Variants in CACNG5 observed in about 807,000 individuals in gnomAD.
CACNG5 encodes calcium voltage-gated channel auxiliary subunit gamma 5.
A neutral mutation model predicts 24.8 loss-of-function variants in CACNG5; 18 were observed. The observed-to-expected ratio is 0.73, with a 90% CI of 0.50 to 1.08. The LOEUF is 1.08. Among genes scored for constraint, CACNG5 ranks in the 50% least tolerant of loss-of-function variants. The pLI, the probability that CACNG5 is intolerant of heterozygous loss-of-function variation, is 0.00. For missense variants in CACNG5, 349 were observed against 367.9 expected (o/e 0.95, Z 0.42); for synonymous variants, 157 against 149.1 (o/e 1.05, Z -0.39).
intron 1 of CACNG5, among the ~76,000 whole-genome samples, chr17:66,839,691 G>A (rs1269728519): frequency 1.3e-5 from 2 of 151,224 alleles, no homozygotes; most frequent in Non-Finnish European, 3.0e-5. Context: ...GAGTCTGGGG[G>A]CTGGGCAGTG....
intron 1 of CACNG5, among the ~76,000 whole-genome samples, chr17:66,857,019 A>T (rs1233842560): frequency 6.6e-6 from 1 of 151,016 alleles, no homozygotes; most frequent in African/African-American, 2.4e-5. Flanking sequence ...AAATAAACTT[A>T]TCAATAGAAG....
At chr17:66,884,167 C>T (rs1320723831) in intron 4 of CACNG5, among the ~76,000 whole-genome samples, 1 of 150,658 alleles carries the variant, frequency 6.6e-6, no homozygotes, top group Non-Finnish European at 1.5e-5. Flanking sequence ...GAAGAAAATA[C>T]AGTGCCAGGT....
At chr17:66,849,488 C>A (rs528449324) in intron 1 of CACNG5, among the ~76,000 whole-genome samples, 8 of 152,324 alleles carry the variant, frequency 5.3e-5, no homozygotes, top group Middle Eastern at 3.4e-3. Flanking sequence ...GGTGCCCAAC[C>A]CTGAACCTTG....
chr17:66,853,000 T>TCTCTA (rs1416455732), intron 1 of CACNG5, among the ~76,000 whole-genome samples: 1 of 144,960 alleles, frequency 6.9e-6, no homozygotes, highest in African/African-American at 2.5e-5. Flanking sequence ...CTTCTCTTTC[T>TCTCTA]CTCTTCTCTT....
In CACNG5 at chr17:66,879,139, A is replaced by G; in HGVS notation, c.283+81A>G. On this transcript the variant is annotated intron_variant, in intron 3 of 5. Coordinates refer to ENST00000533854, the MANE Select transcript of CACNG5 (RefSeq NM_145811.3). ...CAGAGGGAAGAGTCAGTGTGCCAGC[A>G]TATTTCTCAAGAGGAATGCCCTTAG... 2.9e-6 allele frequency: 3 copies of G among 1,050,582 alleles called. No homozygotes were observed. The South Asian group carries it at 3.9e-5, about 14-fold the overall frequency. 65.1% of individuals were successfully genotyped at this position (1,050,582 alleles called of 1,614,324 possible).
chr17:66,846,542 C>T (rs560782382), intron 1 of CACNG5, among the ~76,000 whole-genome samples: 1 of 152,198 alleles, frequency 6.6e-6, no homozygotes, highest in Admixed American at 6.5e-5. Context: ...AAGGTTCATT[C>T]ATGTTGCAGC....
chr17:66,885,237 C>A lies in CACNG5; in HGVS notation c.825C>A (p.Cys275Ter), dbSNP rs1212092835. The change falls in exon 6 of 6, where the codon TGC becomes TGA. Residue 275 changes from cysteine to a stop codon, truncating the protein, a stop_gained. Transcript: ENST00000533854. LOFTEE classifies it high-confidence loss of function. ...PDYDQMSSSPC is the reference protein window; with the variant it reads ...PDYDQMSSSP ...ATGATCAGATGTCCTCTTCACCCTG[C>A]TGAGCCTCGGCCGCCCCCATCCCTG... is the stretch of plus-strand genomic sequence containing the variant. The A allele has an allele frequency of 6.3e-7, 1 of 1,577,548 alleles. No individual in the cohort carries two copies. The highest frequency in any genetic ancestry group is 1.7e-5 in the Admixed American group (1 of 58,538).
intron 1 of CACNG5, among the ~76,000 whole-genome samples, chr17:66,852,909 TTCTTTCTCTCTTC>T (rs1329547241): frequency 2.7e-5 from 4 of 145,994 alleles, no homozygotes; most frequent in Non-Finnish European, 6.0e-5. Flanking sequence ...CTTCTCTCTC[TTCTTTCTCTCTTC>T]TCTTTCTCTC....
intron 1 of CACNG5, 112 bp from the exon 2 acceptor site, chr17:66,877,118 C>A (rs1025666824): frequency 5.7e-6 from 3 of 530,334 alleles, no homozygotes; most frequent in Admixed American, 3.3e-5. Context: ...GAGGGTGGCA[C>A]CTCTGTTGCA....
chr17:66,870,330 G>C (rs537591556), intron 1 of CACNG5, among the ~76,000 whole-genome samples: 2 of 152,140 alleles, frequency 1.3e-5, no homozygotes, highest in African/African-American at 4.8e-5. Flanking sequence ...CCACTGGCTG[G>C]AAGTTTAATT....
chr17:66,874,440 C>T (rs1379090550), intron 1 of CACNG5, among the ~76,000 whole-genome samples: 3 of 152,180 alleles, frequency 2.0e-5, no homozygotes, highest in African/African-American at 7.2e-5. Flanking sequence ...GGCCATATCC[C>T]TGGCCTGTGA....
At chr17:66,881,479 C>T (rs1977157075) in intron 4 of CACNG5, among the ~76,000 whole-genome samples, 1 of 152,216 alleles carries the variant, frequency 6.6e-6, no homozygotes, top group African/African-American at 2.4e-5. Context: ...ACCATAAACC[C>T]TCCTAGACCC....
At chr17:66,874,288 C>T (rs1217835555) in intron 1 of CACNG5, among the ~76,000 whole-genome samples, 1 of 152,186 alleles carries the variant, frequency 6.6e-6, no homozygotes, top group African/African-American at 2.4e-5. Flanking sequence ...TAGTCTCTTC[C>T]TCCATGTTAT....
Position 66,880,590 on chromosome 17 carries a change from T to G in CACNG5, c.317T>G (p.Val106Gly). The change falls in exon 4 of 6, where the codon GTC (valine) becomes GGC (glycine). Residue 106 changes from valine (V) to glycine (G), a missense_variant. Val to Gly is a moderately radical substitution (Grantham distance 109). Transcript: ENST00000533854. ...CGCTCAGCCACACCATTCCCTCTGG[T>G]CAGCCTCTTCTTCATGTTCATTGGG... ...MIRSATPFPLVSLFFMFIGFI... is the reference protein window; with the variant it reads ...MIRSATPFPLGSLFFMFIGFI... 3 of 1,614,250 alleles carry G rather than the reference T, an allele frequency of 1.9e-6. No individual in the cohort carries two copies. Among genetic ancestry groups the G allele is most frequent in the Non-Finnish European group, 2.5e-6 (3 of 1,180,036 alleles).
In CACNG5 at chr17:66,847,733, C is replaced by T. The variant is rs115727535; in HGVS notation, c.-104+12483C>T. Among the ~76,000 whole-genome samples, 970 of 152,214 alleles carry T rather than the reference C, an allele frequency of 6.4e-3. 13 individuals are homozygous for T. Among genetic ancestry groups the T allele is most frequent in the African/African-American group, 0.022 (913 of 41,538 alleles). ...ATGGCCCTAGGAGACAGGAGACTTC[C>T]TATGTAAATCTCACTTGGTCTCAAA... On this transcript the variant is annotated intron_variant, in intron 1 of 5. Transcript: ENST00000533854.
In CACNG5 at chr17:66,890,725, G is replaced by A. The variant is rs1598068764; in HGVS notation, c.*5485G>A. 6.6e-6 allele frequency among the ~76,000 whole-genome samples: 1 copy of A among 152,152 alleles called. No individual in the cohort carries two copies. Among genetic ancestry groups the A allele is most frequent in the African/African-American group, 2.4e-5 (1 of 41,430 alleles). On this transcript the variant is annotated 3_prime_UTR_variant, in exon 6 of 6. Transcript: ENST00000533854. ...CCTCTGTGTGTTACCAGCAGCCCTCGGAACTTCTGTCTTTTCATTCCTGTA... is the reference window on the plus strand; with the variant it reads ...CCTCTGTGTGTTACCAGCAGCCCTCAGAACTTCTGTCTTTTCATTCCTGTA...
chr17:66,836,693 C>T lies in CACNG5; in HGVS notation c.-104+1443C>T, dbSNP rs150828503. On this transcript the variant is annotated intron_variant, in intron 1 of 5. Coordinates refer to ENST00000533854, the MANE Select transcript of CACNG5 (RefSeq NM_145811.3). ...AAATCTGTGCTTGTGCCTGAGACCT[C>T]CCCACCCCCAAACCTCCTCTCTCTT... Among the ~76,000 whole-genome samples the T allele has an allele frequency of 3.9e-4, 60 of 152,318 alleles. No individual in the cohort carries two copies. In the East Asian group the frequency reaches 0.01, roughly 26 times the overall value.
rs950956382 is a variant in CACNG5, at chr17:66,892,247, G to A, written c.*7007G>A. 2.0e-5 allele frequency among the ~76,000 whole-genome samples: 3 copies of A among 152,362 alleles called. No individual in the cohort carries two copies. Among genetic ancestry groups the A allele is most frequent in the Admixed American group, 6.5e-5 (1 of 15,306 alleles). On this transcript the variant is annotated 3_prime_UTR_variant, in exon 6 of 6. Transcript: ENST00000533854. Reference sequence around the variant, plus strand: ...GACAAGGCTGTGCCTGGGGCAAGACGCCAAATTCATGGGCTCATGCCCAGC... The same window carrying A: ...GACAAGGCTGTGCCTGGGGCAAGACACCAAATTCATGGGCTCATGCCCAGC...
rs71160595 is a variant in CACNG5 at position 66,838,960 on chromosome 17, C to CTTTTTTTT, written c.-104+3722_-104+3729dup. Among the ~76,000 whole-genome samples, 21 of 88,096 alleles carry CTTTTTTTT rather than the reference C, an allele frequency of 2.4e-4. 2 individuals carry two copies. Among genetic ancestry groups the CTTTTTTTT allele is most frequent in the African/African-American group, 5.9e-4 (12 of 20,488 alleles). The allele number at this position is 88,096 out of a possible 152,430, so 57.8% of individuals were successfully genotyped here. On this transcript the variant is annotated intron_variant, in intron 1 of 5. Coordinates refer to ENST00000533854, the MANE Select transcript of CACNG5 (RefSeq NM_145811.3). ...GTAGCACCCCAGTCCCTCACCCATT[C>CTTTTTTTT]TTTTTTTTTTTTTTTTTTTGAGACA...
Sources: gnomAD v4.1 joint callset for allele counts (sites outside exome capture counted in the v4.1 genomes callset) on GRCh38, gnomAD v4.1.1 for gene constraint, MANE v1.5 for transcripts, NCBI Gene and HGNC (gene_info 2026-07-23, HGNC 2026-07-21) for gene names.